Variants in NGF observed in about 807,000 individuals in gnomAD.
NGF encodes the protein beta-nerve growth factor.
NGF carries 4 observed loss-of-function variants against 12.8 expected under a neutral mutation model. The ratio of observed to expected loss-of-function variants is 0.31; its 90% confidence interval spans 0.15 to 0.72. The LOEUF is 0.72. Among genes scored for constraint, NGF ranks in the 30% least tolerant of loss-of-function variants. NGF has a pLI of 0.69. For synonymous variants in NGF, 140 were observed against 130.0 expected, an observed-to-expected ratio of 1.08 and a Z score of -0.52; for missense variants, 283 against 330.8, an observed-to-expected ratio of 0.86 and a Z score of 1.12.
chr1:115,287,453 C>T (rs190614267), intron 2 of NGF, among the ~76,000 whole-genome samples: 7 of 152,314 alleles, frequency 4.6e-5, no homozygotes, highest in Admixed American at 6.5e-5. Flanking sequence ...CCTCTTCAGA[C>T]GCTACCCCAC....
chr1:115,291,959 G>A (rs1653715118), intron 2 of NGF, among the ~76,000 whole-genome samples: 1 of 152,130 alleles, frequency 6.6e-6, no homozygotes, highest in African/African-American at 2.4e-5. Context: ...GTGAACCAGG[G>A]TCACTAACAG....
At position 115,314,850 on chromosome 1, in the gene NGF, A is replaced by G. The variant is rs565865545; in HGVS notation, c.-136-21100T>C. Among the ~76,000 whole-genome samples, 10 of 152,326 alleles carry G rather than the reference A, an allele frequency of 6.6e-5. No individual in the cohort carries two copies. The South Asian group carries it at 2.1e-3, about 32-fold the overall frequency. ...AAGACAAATAACAAATTAACAGGAA[A>G]TGTCCGTTGGTGATAAGTGCTGGAA... On this transcript the variant is annotated intron_variant, in intron 1 of 2. Transcript: ENST00000369512.
At chr1:115,328,901 G>A (rs1654840615) in intron 1 of NGF, among the ~76,000 whole-genome samples, 1 of 152,208 alleles carries the variant, frequency 6.6e-6, no homozygotes, top group Non-Finnish European at 1.5e-5. Context: ...GAAAGACAGT[G>A]CAGAAGGTGG....
At chr1:115,305,770 A>T (rs1382174592) in intron 1 of NGF, among the ~76,000 whole-genome samples, 1 of 152,236 alleles carries the variant, frequency 6.6e-6, no homozygotes, top group Non-Finnish European at 1.5e-5. Flanking sequence ...GTTGTTCCTT[A>T]CTGAGAAATT....
intron 1 of NGF, among the ~76,000 whole-genome samples, chr1:115,321,248 GTA>G (rs1273753243): frequency 1.3e-5 from 2 of 152,082 alleles, no homozygotes; most frequent in Non-Finnish European, 2.9e-5. Context: ...TTCCACTGTT[GTA>G]TCACCAGTGG....
At chr1:115,298,213 T>A (rs1653928589) in intron 1 of NGF, among the ~76,000 whole-genome samples, 1 of 152,172 alleles carries the variant, frequency 6.6e-6, no homozygotes, top group Non-Finnish European at 1.5e-5. Context: ...ACTCCTTGCA[T>A]GCCACTTAAA....
chr1:115,316,554 C>T (rs1338459386), intron 1 of NGF, among the ~76,000 whole-genome samples: 16 of 152,212 alleles, frequency 1.1e-4, no homozygotes, highest in African/African-American at 3.6e-4. Context: ...ACTTAATGCT[C>T]ATAATAGCCC....
intron 1 of NGF, among the ~76,000 whole-genome samples, chr1:115,302,924 A>G (rs1258091687): frequency 1.3e-5 from 2 of 152,050 alleles, no homozygotes; most frequent in Non-Finnish European, 2.9e-5. Context: ...ATCTCCCTGT[A>G]TTGTGTCCCC....
At position 115,325,223 on chromosome 1, in the gene NGF, G is replaced by A. The variant is rs115506009; in HGVS notation, c.-137+12981C>T. 3.1e-3 allele frequency among the ~76,000 whole-genome samples: 465 copies of A among 152,250 alleles called. 2 individuals are homozygous for A. Among genetic ancestry groups the A allele is most frequent in the African/African-American group, 0.01 (432 of 41,558 alleles). On this transcript the variant is annotated intron_variant, in intron 1 of 2. Transcript: ENST00000369512. ...ACAGTAACAAGGTTGGCATGTTGAA[G>A]ACATTGCAAAAAGGTCAGTGTGGTC...
intron 1 of NGF, among the ~76,000 whole-genome samples, chr1:115,329,859 C>T (rs1654870189): frequency 6.6e-6 from 1 of 150,504 alleles, no homozygotes; most frequent in Non-Finnish European, 1.5e-5. Context: ...AAGTGATTCT[C>T]CCACCTTAAT....
intron 1 of NGF, among the ~76,000 whole-genome samples, chr1:115,318,012 G>T (rs1265432510): frequency 6.6e-6 from 1 of 152,074 alleles, no homozygotes; most frequent in African/African-American, 2.4e-5. Flanking sequence ...ACCTTTCCCT[G>T]TTCCAAAGGC....
At chr1:115,322,281 C>T (rs1654651261) in intron 1 of NGF, among the ~76,000 whole-genome samples, 1 of 152,162 alleles carries the variant, frequency 6.6e-6, no homozygotes, top group South Asian at 2.1e-4. Context: ...GGGTACAAAT[C>T]CCTTGCTTTC....
chr1:115,297,833 C>G (rs1048288823), intron 1 of NGF, among the ~76,000 whole-genome samples: 3 of 152,216 alleles, frequency 2.0e-5, no homozygotes, highest in Non-Finnish European at 4.4e-5. Context: ...TTCCACACTC[C>G]TGCTGCCTGT....
intron 1 of NGF, among the ~76,000 whole-genome samples, chr1:115,302,610 A>C (rs1654072058): frequency 6.6e-6 from 1 of 152,254 alleles, no homozygotes; most frequent in Admixed American, 6.5e-5. Context: ...TTTCTTTGTG[A>C]ATCAGCCGAG....
At chr1:115,300,553 G>A (rs144295125) in intron 1 of NGF, among the ~76,000 whole-genome samples, 1 of 152,268 alleles carries the variant, frequency 6.6e-6, no homozygotes, top group Non-Finnish European at 1.5e-5. Flanking sequence ...CGAATCTGAG[G>A]ACACATCAGA....
chr1:115,310,545 A>AC (rs1213622408), intron 1 of NGF, among the ~76,000 whole-genome samples: 2 of 152,150 alleles, frequency 1.3e-5, no homozygotes, highest in African/African-American at 4.8e-5. Context: ...AACATGGTCA[A>AC]CCCGTGAGCA....
intron 1 of NGF, among the ~76,000 whole-genome samples, chr1:115,308,483 C>T (rs1468059465): frequency 6.6e-6 from 1 of 152,178 alleles, no homozygotes; most frequent in African/African-American, 2.4e-5. Flanking sequence ...TCCGTCATTA[C>T]AGGAAACACA....
intron 2 of NGF, among the ~76,000 whole-genome samples, chr1:115,288,297 G>A (rs1479066115): frequency 6.6e-6 from 1 of 152,108 alleles, no homozygotes; most frequent in Non-Finnish European, 1.5e-5. Flanking sequence ...AATCGTGTTT[G>A]GATTCCTACT....
At chr1:115,297,321 C>G (rs561774358) in intron 1 of NGF, among the ~76,000 whole-genome samples, 1 of 152,138 alleles carries the variant, frequency 6.6e-6, no homozygotes, top group African/African-American at 2.4e-5. Context: ...AAAGACAAAG[C>G]GCCAACCCAG....
Sources: gnomAD v4.1 joint callset for allele counts (sites outside exome capture counted in the v4.1 genomes callset) on GRCh38, gnomAD v4.1.1 for gene constraint, MANE v1.5 for transcripts, NCBI Gene and HGNC (gene_info 2026-07-23, HGNC 2026-07-21) for gene names.